The following OR10K1 variants were observed in gnomAD, a reference collection of about 807,000 sequenced individuals.
OR10K1 encodes olfactory receptor 10K1.
For synonymous variants in OR10K1, 186 were observed against 152.5 expected (o/e 1.22, Z -1.62); for missense variants, 404 against 373.3 (o/e 1.08, Z -0.68).
intron 1 of OR10K1, among the ~76,000 whole-genome samples, chr1:158,462,489 C>T (rs1409920509): frequency 6.6e-6 from 1 of 151,340 alleles, no homozygotes; most frequent in Non-Finnish European, 1.5e-5. Context: ...AACAGATACT[C>T]CACTTGTCTC....
At position 158,462,279 on chromosome 1, in the gene OR10K1, GAAA is replaced by G. The variant is rs34788864; in HGVS notation, c.-157+388_-157+390del. Reference sequence around the variant, plus strand: ...TGGGAAACAGAGTGAGACTCCTTCTGAAAAAAAAAAAAAAATTATCTGAATTGT... The same window carrying G: ...TGGGAAACAGAGTGAGACTCCTTCTGAAAAAAAAAAAATTATCTGAATTGT... On this transcript the variant is annotated intron_variant, in intron 1 of 1. Transcript: ENST00000641535. Among the ~76,000 whole-genome samples, 203 of 140,928 alleles carry G rather than the reference GAAA, an allele frequency of 1.4e-3. 1 individual carries two copies. The Middle Eastern group carries it at 0.026, about 18-fold the overall frequency. 92.5% of individuals were successfully genotyped at this position (140,928 alleles called of 152,430 possible). A position where few individuals can be genotyped will look rare whatever the true frequency, so the allele number is the denominator to read the frequency against.
At chr1:158,464,871 A>G (rs553494055) in intron 1 of OR10K1, among the ~76,000 whole-genome samples, 1 of 151,838 alleles carries the variant, frequency 6.6e-6, no homozygotes, top group Non-Finnish European at 1.5e-5. Flanking sequence ...CTGGTCTTGA[A>G]CCCCTGGCCT....
intron 1 of OR10K1, among the ~76,000 whole-genome samples, chr1:158,463,149 T>C (rs1214030526): frequency 6.6e-6 from 1 of 152,030 alleles, no homozygotes; most frequent in Non-Finnish European, 1.5e-5. Flanking sequence ...ATATTGAAGG[T>C]ATATACTTCA....
intron 1 of OR10K1, among the ~76,000 whole-genome samples, chr1:158,462,791 C>T (rs138451554): frequency 9.2e-5 from 14 of 152,266 alleles, no homozygotes; most frequent in African/African-American, 3.4e-4. Flanking sequence ...AACCCAGCAC[C>T]CTCAAGTACT....
rs749613900 is a variant in OR10K1 at position 158,466,277 on chromosome 1, C to A, written c.716C>A (p.Ser239Tyr). ...PSSVGRYKTF[S>Y]TCASHLIVVT... ...TCCGTTGGAAGATACAAGACCTTCT[C>A]CACCTGTGCCTCCCATCTCATTGTG... The change falls in exon 2 of 2, where the codon TCC becomes TAC. Residue 239 changes from serine to tyrosine, a missense_variant. Coordinates refer to ENST00000641535, the MANE Select transcript of OR10K1 (RefSeq NM_001004473.2). 6.2e-7 allele frequency: 1 copy of A among 1,614,032 alleles called. No homozygotes were observed. Among genetic ancestry groups the A allele is most frequent in the East Asian group, 2.2e-5 (1 of 44,896 alleles).
chr1:158,462,312 G>A (rs549086466), intron 1 of OR10K1, among the ~76,000 whole-genome samples: 1 of 149,082 alleles, frequency 6.7e-6, no homozygotes, highest in South Asian at 2.1e-4. Flanking sequence ...AATTGTTCTT[G>A]AAGATCATAT....
chr1:158,465,731 C>G lies in OR10K1; in HGVS notation c.170C>G (p.Thr57Ser), dbSNP rs1316394226. ...STIVLDRALHTPMYFFLAILS... is the reference protein window; with the variant it reads ...STIVLDRALHSPMYFFLAILS... ...ATTGTGCTGGACAGAGCCCTTCATA[C>G]TCCCATGTACTTCTTCCTTGCCATC... Residue 57 changes from threonine to serine, a missense_variant, in exon 2 of 2, where the codon ACT (threonine) becomes AGT (serine). Thr to Ser is a moderately conservative substitution (Grantham distance 58). Transcript: ENST00000641535. The G allele has an allele frequency of 1.2e-6, 2 of 1,614,104 alleles. No homozygotes were observed. The highest frequency in any genetic ancestry group is 1.7e-6 in the Non-Finnish European group (2 of 1,180,036).
intron 1 of OR10K1, among the ~76,000 whole-genome samples, chr1:158,463,950 A>G (rs751371956): frequency 2.0e-4 from 30 of 152,196 alleles, no homozygotes; most frequent in Non-Finnish European, 2.8e-4. Context: ...GTTTAGGACC[A>G]GTTTCTAGTA....
Position 158,465,939 on chromosome 1 carries a change from C to A in OR10K1, c.378C>A (p.Ile126=), listed in dbSNP as rs1656027125. The stretch of plus-strand genomic sequence containing the variant: ...TGGGCTATGATCGCTATATGGCCAT[C>A]TGTAACCCACTGCGCTACTCAGTGC... ...AAMGYDRYMA[I]CNPLRYSVLM... The change falls in exon 2 of 2, where the codon ATC becomes ATA. Residue 126 remains isoleucine (I), a synonymous_variant. Transcript: ENST00000641535. 6.2e-7 allele frequency: 1 copy of A among 1,614,068 alleles called. No individual in the cohort carries two copies. The highest frequency in any genetic ancestry group is 1.7e-5 in the Admixed American group (1 of 60,000).
At position 158,465,894 on chromosome 1, in the gene OR10K1, C is replaced by T; in HGVS notation, c.333C>T (p.His111=). ...MFSFLFFGSS[H]SFLLAAMGYD... Reference sequence around the variant, plus strand: ...CCTTCCTCTTCTTTGGCTCCTCTCACTCCTTCCTGCTGGCAGCCATGGGCT... The same window carrying T: ...CCTTCCTCTTCTTTGGCTCCTCTCATTCCTTCCTGCTGGCAGCCATGGGCT... Residue 111 remains histidine (H), a synonymous_variant, in exon 2 of 2, where the codon CAC becomes CAT. Coordinates refer to ENST00000641535, the MANE Select transcript of OR10K1 (RefSeq NM_001004473.2). 6.2e-7 allele frequency: 1 copy of T among 1,614,198 alleles called. No individual in the cohort carries two copies. The highest frequency in any genetic ancestry group is 1.1e-5 in the South Asian group (1 of 91,084).
chr1:158,462,656 T>G (rs562221052), intron 1 of OR10K1, among the ~76,000 whole-genome samples: 1 of 152,328 alleles, frequency 6.6e-6, no homozygotes, highest in East Asian at 1.9e-4. Context: ...TTTCACTCCT[T>G]TATTATCTGA....
Position 158,466,476 on chromosome 1 carries a change from C to T in OR10K1, c.915C>T (p.Ile305=), listed in dbSNP as rs113203418. ...KEFKSALRRT[I]GQTFYPLS ...TCAAATCAGCCCTACGAAGAACAAT[C>T]GGCCAAACTTTCTATCCTCTTAGTT... The change falls in exon 2 of 2, where the codon ATC becomes ATT. Residue 305 remains isoleucine (I), a synonymous_variant. Transcript: ENST00000641535. 323 of 1,613,628 alleles carry T rather than the reference C, an allele frequency of 2.0e-4. No individual in the cohort carries two copies. Among genetic ancestry groups the T allele is most frequent in the Admixed American group, 1.8e-3 (106 of 59,992 alleles).
intron 1 of OR10K1, among the ~76,000 whole-genome samples, chr1:158,463,339 G>T (rs1655965092): frequency 6.6e-6 from 1 of 152,128 alleles, no homozygotes; most frequent in South Asian, 2.1e-4. Context: ...ATGGCATCTT[G>T]AGCAGATGGG....
chr1:158,462,689 A>G (rs1322903197), intron 1 of OR10K1, among the ~76,000 whole-genome samples: 1 of 152,206 alleles, frequency 6.6e-6, no homozygotes, highest in Non-Finnish European at 1.5e-5. Context: ...AATTTCTCTC[A>G]GCTAACTGAT....
intron 1 of OR10K1, among the ~76,000 whole-genome samples, chr1:158,463,623 C>T (rs1422782945): frequency 3.9e-5 from 6 of 151,936 alleles, no homozygotes; most frequent in African/African-American, 9.7e-5. Flanking sequence ...GGCCTAGTGG[C>T]GGTTAAAGGT....
At chr1:158,462,370 C>CTTCCTTTCTTCCTTTCTTAT (rs375100149) in intron 1 of OR10K1, among the ~76,000 whole-genome samples, 1 of 147,912 alleles carries the variant, frequency 6.8e-6, no homozygotes, top group Non-Finnish European at 1.5e-5. Context: ...TTTTCTTTTC[C>CTTCCTTTCTTCCTTTCTTAT]TTCCTTCCTT....
In OR10K1 at chr1:158,466,995, T is replaced by C. The variant is rs1446867286; in HGVS notation, c.*492T>C. ...TGCTACAAATCTTGGTGGTCCTTTT[T>C]GTCCCCAATTCATTTCCTTAACCTA... On this transcript the variant is annotated 3_prime_UTR_variant, in exon 2 of 2. Transcript: ENST00000641535. 2 of 154,138 alleles carry C rather than the reference T, an allele frequency of 1.3e-5. No individual in the cohort carries two copies. Among genetic ancestry groups the C allele is most frequent in the Non-Finnish European group, 2.9e-5 (2 of 69,402 alleles). The allele number at this position is 154,138 out of a possible 1,614,324, so 9.5% of individuals were successfully genotyped here. A position where few individuals can be genotyped will look rare whatever the true frequency, so the allele number is the denominator to read the frequency against.
chr1:158,464,186 A>G (rs1655985757), intron 1 of OR10K1, among the ~76,000 whole-genome samples: 2 of 152,364 alleles, frequency 1.3e-5, no homozygotes, highest in African/African-American at 4.8e-5. Context: ...GATACCAGCA[A>G]GACATACTGG....
chr1:158,466,596 T>G lies in OR10K1; in HGVS notation c.*93T>G. 1.3e-6 allele frequency: 1 copy of G among 776,146 alleles called. No individual in the cohort carries two copies. Among genetic ancestry groups the G allele is most frequent in the Non-Finnish European group, 2.1e-6 (1 of 466,134 alleles). The allele number at this position is 776,146 out of a possible 1,614,324, so 48.1% of individuals were successfully genotyped here. A position where few individuals can be genotyped will look rare whatever the true frequency, so the allele number is the denominator to read the frequency against. Reference sequence around the variant, plus strand: ...TTCATTTAATTGTCCAGCTCCACTGTAACATAAGAACATTTTACATATGAG... The same window carrying G: ...TTCATTTAATTGTCCAGCTCCACTGGAACATAAGAACATTTTACATATGAG... On this transcript the variant is annotated 3_prime_UTR_variant, in exon 2 of 2. Transcript: ENST00000641535.
Sources: gnomAD v4.1 joint callset for allele counts (sites outside exome capture counted in the v4.1 genomes callset) on GRCh38, gnomAD v4.1.1 for gene constraint, MANE v1.5 for transcripts, NCBI Gene and HGNC (gene_info 2026-07-23, HGNC 2026-07-21) for gene names.